PTPRN2: variants seen among roughly 807,000 people sequenced by gnomAD.
The protein encoded by PTPRN2 is protein tyrosine phosphatase receptor type N2.
In PTPRN2, 74 loss-of-function variants were observed where a neutral mutation model predicts 118.8. The observed-to-expected ratio is 0.62, with a 90% CI of 0.52 to 0.76. The LOEUF (loss-of-function observed/expected upper bound fraction) is 0.76. Among genes scored for constraint, PTPRN2 ranks in the 30% least tolerant of loss-of-function variants. The pLI is 0.00. For synonymous variants in PTPRN2, 641 were observed against 608.0 expected, an observed-to-expected ratio of 1.05 and a Z score of -0.80; for missense variants, 1,481 against 1,394.4, an observed-to-expected ratio of 1.06 and a Z score of -0.99.
chr7:157,840,090 T>C (rs1193019381), intron 12 of PTPRN2, among the ~76,000 whole-genome samples: 1 of 146,672 alleles, frequency 6.8e-6, no homozygotes, highest in Non-Finnish European at 1.5e-5. Flanking sequence ...TGTGGCCATA[T>C]GTGACTGTGT....
rs112100284 is a variant in PTPRN2, at chr7:158,340,435, C to T, written c.164-23503G>A. 4.4e-5 allele frequency among the ~76,000 whole-genome samples: 3 copies of T among 67,550 alleles called. 1 individual carries two copies. The highest frequency in any genetic ancestry group is 1.5e-4 in the Admixed American group (1 of 6,730). The allele number at this position is 67,550 out of a possible 152,430, so 44.3% of individuals were successfully genotyped here. ...ACGTCACTCACACACACACTCTCAC[C>T]GTAAGAGCTGACACCCGCAGACGTC... is the stretch of plus-strand genomic sequence containing the variant. On this transcript the variant is annotated intron_variant, in intron 2 of 22. Transcript: ENST00000389418.
At chr7:157,650,551 G>A (rs1389858180) in intron 14 of PTPRN2, among the ~76,000 whole-genome samples, 3 of 152,164 alleles carry the variant, frequency 2.0e-5, no homozygotes, top group African/African-American at 7.2e-5. Context: ...GAGCCAGAGC[G>A]AGAACGGCCA....
chr7:157,903,964 C>T lies in PTPRN2; in HGVS notation c.1724-5227G>A, dbSNP rs957587693. Among the ~76,000 whole-genome samples, 1 of 152,182 alleles carries T rather than the reference C, an allele frequency of 6.6e-6. No homozygotes were observed. The highest frequency in any genetic ancestry group is 2.1e-4 in the South Asian group (1 of 4,830). On this transcript the variant is annotated intron_variant, in intron 11 of 22. Coordinates refer to ENST00000389418, the MANE Select transcript of PTPRN2 (RefSeq NM_002847.5). This position sits in a 1 kb window ranked among gnomAD's most constrained non-coding sequence, Gnocchi z 4.2. Reference sequence around the variant, plus strand: ...AGCAAGCGACTAATCCATGTGCCCTCGTGACAGCGGCTGTTTTGCTGCATG... The same window carrying T: ...AGCAAGCGACTAATCCATGTGCCCTTGTGACAGCGGCTGTTTTGCTGCATG...
chr7:157,658,306 A>G (rs1168700436), intron 13 of PTPRN2, among the ~76,000 whole-genome samples: 1 of 152,208 alleles, frequency 6.6e-6, no homozygotes, highest in Non-Finnish European at 1.5e-5. Flanking sequence ...GCAATGTCCA[A>G]GAGCCCATGC....
At chr7:158,557,745 T>G (rs1827139458) in intron 1 of PTPRN2, among the ~76,000 whole-genome samples, 1 of 152,190 alleles carries the variant, frequency 6.6e-6, no homozygotes, top group South Asian at 2.1e-4. Context: ...AAACAGCGTT[T>G]CCAGAGCACC....
intron 11 of PTPRN2, among the ~76,000 whole-genome samples, chr7:158,069,894 G>A (rs528113957): frequency 4.6e-5 from 7 of 152,302 alleles, no homozygotes; most frequent in South Asian, 4.1e-4. Flanking sequence ...ATGCAGCCTC[G>A]CGGAGTGTAA....
At chr7:157,639,002 A>G (rs1288442274) in intron 14 of PTPRN2, among the ~76,000 whole-genome samples, 1 of 151,852 alleles carries the variant, frequency 6.6e-6, no homozygotes, top group Non-Finnish European at 1.5e-5. Flanking sequence ...CTTTGACTCT[A>G]GACAGCCATC....
chr7:157,685,345 C>A (rs1179918530), intron 12 of PTPRN2, among the ~76,000 whole-genome samples: 1 of 152,054 alleles, frequency 6.6e-6, no homozygotes, highest in African/African-American at 2.4e-5. Context: ...TCCTGCCCCG[C>A]GCCGTGAGGC....
chr7:157,542,934 G>T (rs756090412), intron 22 of PTPRN2, among the ~76,000 whole-genome samples: 1 of 152,122 alleles, frequency 6.6e-6, no homozygotes, highest in Non-Finnish European at 1.5e-5. Context: ...GTCCTTTATC[G>T]TGAAGTGTCA....
chr7:157,790,752 AT>A lies in PTPRN2; in HGVS notation c.1789-107816del, dbSNP rs150025481. On this transcript the variant is annotated intron_variant, in intron 12 of 22. Coordinates refer to ENST00000389418, the MANE Select transcript of PTPRN2 (RefSeq NM_002847.5). The stretch of plus-strand genomic sequence containing the variant: ...TTCAAGTTGTCACAAAACCTAAGCT[AT>A]TTTTTTTAATCCAGAAGTATTAAAA... 4.6e-5 allele frequency among the ~76,000 whole-genome samples: 7 copies of A among 152,094 alleles called. No homozygotes were observed. In the South Asian group the frequency reaches 1.2e-3, roughly 27 times the overall value.
At chr7:158,567,005 T>C (rs1827708911) in intron 1 of PTPRN2, among the ~76,000 whole-genome samples, 1 of 152,178 alleles carries the variant, frequency 6.6e-6, no homozygotes, top group African/African-American at 2.4e-5. Flanking sequence ...TGAGCCACCA[T>C]GCCCAACCAA....
chr7:158,027,185 C>T (rs933439790), intron 11 of PTPRN2, among the ~76,000 whole-genome samples: 11 of 152,180 alleles, frequency 7.2e-5, no homozygotes, highest in African/African-American at 2.4e-4. Context: ...ATGCCTAGGC[C>T]AGGCCCTGGT....
intron 3 of PTPRN2, among the ~76,000 whole-genome samples, chr7:158,267,614 G>A (rs987787048): frequency 6.6e-6 from 1 of 152,192 alleles, no homozygotes; most frequent in Non-Finnish European, 1.5e-5. Flanking sequence ...TGGCCTGGGG[G>A]CCTGCCCCTC....
At chr7:157,694,001 C>G (rs916817857) in intron 12 of PTPRN2, among the ~76,000 whole-genome samples, 2 of 152,250 alleles carry the variant, frequency 1.3e-5, no homozygotes, top group African/African-American at 4.8e-5. Flanking sequence ...GGGGCGGCCA[C>G]GGGGCCGGCG....
At chr7:158,195,414 T>C (rs1826136811) in intron 4 of PTPRN2, among the ~76,000 whole-genome samples, 1 of 152,220 alleles carries the variant, frequency 6.6e-6, no homozygotes, top group Admixed American at 6.5e-5. Context: ...AGAAATTTTA[T>C]TATGATATTT....
rs557877812 is a variant in PTPRN2, at chr7:158,265,658, G to C, written c.277+51161C>G. ...CCCTCAGAGAAGTGCCTCAGCAGGA[G>C]GCCTGGCAGAACTGTGTGAGGCTGC... On this transcript the variant is annotated intron_variant, in intron 3 of 22. Coordinates refer to ENST00000389418, the MANE Select transcript of PTPRN2 (RefSeq NM_002847.5). Among the ~76,000 whole-genome samples, 14 of 152,354 alleles carry C rather than the reference G, an allele frequency of 9.2e-5. No homozygotes were observed. In the South Asian group the frequency reaches 2.5e-3, roughly 27 times the overall value.
intron 3 of PTPRN2, among the ~76,000 whole-genome samples, chr7:158,260,913 T>C (rs1797354442): frequency 6.6e-6 from 1 of 151,940 alleles, no homozygotes; most frequent in Admixed American, 6.6e-5. Context: ...TCCTAATGTC[T>C]CAGGAGAGAC....
chr7:157,575,954 A>G (rs1296525658), intron 19 of PTPRN2, among the ~76,000 whole-genome samples: 1 of 152,162 alleles, frequency 6.6e-6, no homozygotes, highest in Non-Finnish European at 1.5e-5. Flanking sequence ...ATGCGGACCG[A>G]CTGTTTACCA....
At chr7:158,434,344 AT>A (rs1401131133) in intron 2 of PTPRN2, among the ~76,000 whole-genome samples, 1 of 152,196 alleles carries the variant, frequency 6.6e-6, no homozygotes, top group African/African-American at 2.4e-5. Flanking sequence ...TGCTTTATAC[AT>A]TTGAAAATTA....
Sources: gnomAD v4.1 joint callset for allele counts (sites outside exome capture counted in the v4.1 genomes callset) on GRCh38, gnomAD v4.1.1 for gene constraint, Gnocchi (gnomAD v3.1) non-coding constraint, MANE v1.5 for transcripts, NCBI Gene and HGNC (gene_info 2026-07-23, HGNC 2026-07-21) for gene names.